GPR158: variants seen among roughly 807,000 people sequenced by gnomAD.
The protein encoded by GPR158 is metabotropic glycine receptor.
GPR158 carries 30 observed loss-of-function variants against 78.2 expected under a neutral mutation model. That is an observed-to-expected ratio of 0.38 (90% CI 0.29 to 0.52). GPR158 has a LOEUF of 0.52. Among genes scored for constraint, GPR158 ranks in the 20% least tolerant of loss-of-function variants. The probability of loss-of-function intolerance (pLI) is 0.83; values close to 1 mark genes in which losing one functional copy is unlikely to be tolerated. For synonymous variants in GPR158, 581 were observed against 591.1 expected (o/e 0.98, Z 0.25); for missense variants, 1,463 against 1,523.5 (o/e 0.96, Z 0.66).
At chr10:25,449,241 T>A (rs1252876080) in intron 4 of GPR158, among the ~76,000 whole-genome samples, 1 of 152,252 alleles carries the variant, frequency 6.6e-6, no homozygotes, top group Non-Finnish European at 1.5e-5. Flanking sequence ...CAGATCATGA[T>A]AATGATGTCT....
At chr10:25,230,154 C>A (rs138075568) in intron 2 of GPR158, among the ~76,000 whole-genome samples, 1 of 152,272 alleles carries the variant, frequency 6.6e-6, no homozygotes, top group East Asian at 1.9e-4. Context: ...GAGAAATGGA[C>A]AACTGCATCA....
chr10:25,558,012 C>T (rs1588911484), intron 6 of GPR158, among the ~76,000 whole-genome samples: 1 of 152,190 alleles, frequency 6.6e-6, no homozygotes, highest in East Asian at 1.9e-4. Context: ...TATTTAACAT[C>T]TACGTTCAAA....
intron 2 of GPR158, among the ~76,000 whole-genome samples, chr10:25,366,079 A>G (rs1855719106): frequency 6.6e-6 from 1 of 151,708 alleles, no homozygotes; most frequent in Non-Finnish European, 1.5e-5. Flanking sequence ...GTTGTATAGT[A>G]TGTTATTATT....
chr10:25,562,166 T>G (rs1448584071), intron 6 of GPR158, among the ~76,000 whole-genome samples: 1 of 152,120 alleles, frequency 6.6e-6, no homozygotes, highest in Non-Finnish European at 1.5e-5. Flanking sequence ...ATCCCCACTT[T>G]CATTCCTGAC....
chr10:25,339,675 CCTTCT>C (rs1377907228), intron 2 of GPR158, among the ~76,000 whole-genome samples: 1 of 151,926 alleles, frequency 6.6e-6, no homozygotes, highest in Non-Finnish European at 1.5e-5. Context: ...AAGGAAGGTC[CCTTCT>C]CTTCCTCATT....
At chr10:25,418,582 T>C (rs1005281355) in intron 4 of GPR158, among the ~76,000 whole-genome samples, 1 of 151,472 alleles carries the variant, frequency 6.6e-6, no homozygotes, top group African/African-American at 2.4e-5. Flanking sequence ...TTTTTTAATT[T>C]ATTCTACATT....
intron 8 of GPR158, among the ~76,000 whole-genome samples, chr10:25,592,090 A>T (rs1453245507): frequency 6.6e-6 from 1 of 152,068 alleles, no homozygotes; most frequent in Non-Finnish European, 1.5e-5. Context: ...CTTGAATGAA[A>T]CAATATAAAA....
At chr10:25,482,509 T>C (rs1470849466) in intron 5 of GPR158, among the ~76,000 whole-genome samples, 1 of 152,126 alleles carries the variant, frequency 6.6e-6, no homozygotes, top group Non-Finnish European at 1.5e-5. Context: ...AATGAACAGA[T>C]TGCGGTTTCA....
At chr10:25,591,996 T>C (rs376336722) in intron 8 of GPR158, among the ~76,000 whole-genome samples, 62 of 152,100 alleles carry the variant, frequency 4.1e-4, no homozygotes, top group African/African-American at 1.4e-3. Context: ...ATACATGTGA[T>C]GGTTCAAATA....
intron 5 of GPR158, among the ~76,000 whole-genome samples, chr10:25,543,274 C>T (rs570757156): frequency 2.4e-4 from 36 of 152,162 alleles, no homozygotes; most frequent in Non-Finnish European, 5.0e-4. Context: ...GTGTTCACCA[C>T]CCTGCCCAGC....
intron 3 of GPR158, among the ~76,000 whole-genome samples, chr10:25,408,945 A>G (rs536857418): frequency 7.2e-5 from 11 of 152,312 alleles, no homozygotes; most frequent in Non-Finnish European, 1.6e-4. Context: ...TCAAGTGTGC[A>G]TAATGCAGGC....
In GPR158 at chr10:25,469,732, C is replaced by T. The variant is rs186580921; in HGVS notation, c.1404+3013C>T. Among the ~76,000 whole-genome samples, 1,118 of 131,626 alleles carry T rather than the reference C, an allele frequency of 8.5e-3. 7 individuals carry two copies. Among genetic ancestry groups the T allele is most frequent in the Non-Finnish European group, 0.012 (790 of 65,172 alleles). The allele number at this position is 131,626 out of a possible 152,430, so 86.4% of individuals were successfully genotyped here. Reference sequence around the variant, plus strand: ...CTGGGAGGTGGAGGTTGCAGTGAGCCGAGATTGTGCCACTGCATTCCAGCC... The same window carrying T: ...CTGGGAGGTGGAGGTTGCAGTGAGCTGAGATTGTGCCACTGCATTCCAGCC... On this transcript the variant is annotated intron_variant, in intron 5 of 10. Transcript: ENST00000376351.
intron 5 of GPR158, among the ~76,000 whole-genome samples, chr10:25,487,476 T>A (rs1458835088): frequency 6.6e-6 from 1 of 152,214 alleles, no homozygotes; most frequent in African/African-American, 2.4e-5. Flanking sequence ...AGTGGCATAG[T>A]GGCTGTCCCA....
At chr10:25,247,483 A>G (rs1255885742) in intron 2 of GPR158, among the ~76,000 whole-genome samples, 2 of 91,218 alleles carry the variant, frequency 2.2e-5, no homozygotes, top group Non-Finnish European at 4.1e-5. Context: ...ACCCCACCAC[A>G]GTCCCCAGAG....
chr10:25,517,820 G>A (rs1322840568), intron 5 of GPR158, among the ~76,000 whole-genome samples: 3 of 149,974 alleles, frequency 2.0e-5, no homozygotes, highest in African/African-American at 7.4e-5. Flanking sequence ...CAAGGATATT[G>A]GTCTAAAATT....
intron 3 of GPR158, among the ~76,000 whole-genome samples, chr10:25,407,980 G>A (rs967793841): frequency 4.6e-5 from 7 of 152,180 alleles, no homozygotes; most frequent in African/African-American, 9.7e-5. Flanking sequence ...TTAACATACT[G>A]CAATATTTTT....
intron 2 of GPR158, among the ~76,000 whole-genome samples, chr10:25,308,904 A>G (rs1039721475): frequency 6.6e-6 from 1 of 152,188 alleles, no homozygotes; most frequent in Non-Finnish European, 1.5e-5. Flanking sequence ...TAAAGGCTGG[A>G]TAATATTCCA....
intron 5 of GPR158, among the ~76,000 whole-genome samples, chr10:25,529,288 G>A (rs1191019062): frequency 6.6e-6 from 1 of 152,106 alleles, no homozygotes; most frequent in Non-Finnish European, 1.5e-5. Flanking sequence ...TCAGGAGGCT[G>A]AGGCAGGAGA....
intron 9 of GPR158, 32 bp downstream of exon 9, chr10:25,594,429 A>C: frequency 1.0e-6 from 1 of 969,054 alleles, no homozygotes; most frequent in African/African-American, 1.7e-5. Context: ...TTTTTTTGCA[A>C]AACTTATTTT....
Sources: allele counts gnomAD v4.1 joint callset (sites outside exome capture counted in the v4.1 genomes callset), GRCh38; gene constraint gnomAD v4.1.1; transcripts MANE v1.5; gene names NCBI Gene and HGNC (gene_info 2026-07-23, HGNC 2026-07-21).